CHM: variants seen among roughly 807,000 people sequenced by gnomAD.
CHM encodes the protein rab proteins geranylgeranyltransferase component A 1.
In CHM, 10 loss-of-function variants were observed where a neutral mutation model predicts 49.0. The observed-to-expected ratio is 0.20, with a 90% confidence interval of 0.13 to 0.35. The LOEUF (loss-of-function observed/expected upper bound fraction) is 0.35, where lower values mean the gene tolerates loss of function less well. CHM is among the 10% of genes least tolerant of loss of function. The probability of loss-of-function intolerance (pLI) is 1.00; values close to 1 mark genes in which losing one functional copy is unlikely to be tolerated. For missense variants in CHM, 455 were observed against 478.4 expected (o/e 0.95, Z 0.46); for synonymous variants, 184 against 167.5 (o/e 1.10, Z -0.76).
Position 85,894,387 on chromosome X carries a change from C to T in CHM, c.1414-103G>A, listed in dbSNP as rs767897781. ...TTCTAAACTGAGTATCTTTTTCAAACATCATGTCTGAAAAAAATATGGCTT... is the reference window on the plus strand; with the variant it reads ...TTCTAAACTGAGTATCTTTTTCAAATATCATGTCTGAAAAAAATATGGCTT... On this transcript the variant is annotated intron_variant, in intron 11 of 14. Coordinates refer to ENST00000357749, the MANE Select transcript of CHM (RefSeq NM_000390.4). The T allele has an allele frequency of 1.4e-5, 8 of 576,224 alleles. No homozygotes were observed. In the African/African-American group the frequency reaches 1.8e-4, roughly 13 times the overall value. The allele number at this position is 576,224 out of a possible 1,213,427, so 47.5% of individuals were successfully genotyped here.
At chrX:85,991,718 A>T (rs962470003) in intron 2 of CHM, among the ~76,000 whole-genome samples, 8 of 110,284 alleles carry the variant, frequency 7.3e-5, no homozygotes, top group African/African-American at 2.6e-4. Context: ...TTATAGCAGT[A>T]GGCAGAATTT....
chrX:85,894,058 T>C (rs755446370), intron 12 of CHM, 130 bp downstream of exon 12: 122 of 498,389 alleles, frequency 2.4e-4, no homozygotes, highest in Middle Eastern at 1.0e-3. Context: ...CCATCTTTTA[T>C]ATAAACAAAA....
chrX:85,961,390 A>C (rs1452154447), intron 5 of CHM, among the ~76,000 whole-genome samples: 1 of 96,982 alleles, frequency 1.0e-5, no homozygotes, highest in Non-Finnish European at 2.0e-5. Flanking sequence ...ACTGCACTCC[A>C]GCCTGGCAAC....
chrX:86,003,366 G>A (rs1050475539), intron 2 of CHM, among the ~76,000 whole-genome samples: 1 of 112,303 alleles, frequency 8.9e-6, no homozygotes, highest in Non-Finnish European at 1.9e-5. Flanking sequence ...CCAAAGGACT[G>A]CAGCTCCTCG....
intron 12 of CHM, among the ~76,000 whole-genome samples, chrX:85,886,369 G>A (rs1428096121): frequency 8.9e-6 from 1 of 111,761 alleles, no homozygotes; most frequent in African/African-American, 3.2e-5. Context: ...TTGTGCTCAG[G>A]ATATGCTTTA....
chrX:86,021,334 T>A (rs1296770625), intron 2 of CHM, among the ~76,000 whole-genome samples: 1 of 107,407 alleles, frequency 9.3e-6, no homozygotes, highest in East Asian at 2.9e-4. Context: ...ATTACATAGA[T>A]TAGTTGATTT....
At chrX:85,972,842 G>A (rs1931021521) in intron 4 of CHM, among the ~76,000 whole-genome samples, 1 of 112,356 alleles carries the variant, frequency 8.9e-6, no homozygotes, top group South Asian at 3.7e-4. Flanking sequence ...CTCAAGTGCC[G>A]CCAAAGTGGG....
intron 4 of CHM, among the ~76,000 whole-genome samples, chrX:85,976,637 T>C (rs190572272): frequency 2.3e-3 from 250 of 107,112 alleles, no homozygotes; most frequent in African/African-American, 8.2e-3. Flanking sequence ...AAAAAAAAAA[T>C]AGTAGCATGT....
intron 9 of CHM, among the ~76,000 whole-genome samples, chrX:85,904,349 G>A (rs1926465587): frequency 1.8e-5 from 2 of 111,486 alleles, no homozygotes; most frequent in Admixed American, 9.6e-5. Context: ...CTAGAGCTAA[G>A]CTTTCTAAAT....
At chrX:85,913,560 C>T (rs988734010) in intron 8 of CHM, among the ~76,000 whole-genome samples, 13 of 109,502 alleles carry the variant, frequency 1.2e-4, no homozygotes, top group Non-Finnish European at 1.9e-4. Context: ...CTAGAAAAGA[C>T]AAGGAACAGA....
intron 8 of CHM, among the ~76,000 whole-genome samples, chrX:85,934,141 A>C (rs1053394945): frequency 5.5e-5 from 6 of 109,107 alleles, no homozygotes; most frequent in African/African-American, 1.3e-4. Flanking sequence ...CCACTACACC[A>C]GTTTAATTTT....
chrX:85,959,503 T>C (rs1266904258), intron 5 of CHM, among the ~76,000 whole-genome samples: 2 of 110,451 alleles, frequency 1.8e-5, no homozygotes, highest in Non-Finnish European at 3.8e-5. Flanking sequence ...CCCTACCCCA[T>C]CAAAAAAAGA....
intron 8 of CHM, among the ~76,000 whole-genome samples, chrX:85,931,620 T>A (rs1928442669): frequency 9.0e-6 from 1 of 111,469 alleles, no homozygotes; most frequent in Non-Finnish European, 1.9e-5. Context: ...TGCTTCGTTT[T>A]ATAATATAGT....
At position 85,911,202 on chromosome X, in the gene CHM, A is replaced by AAT. The variant is rs529188426; in HGVS notation, c.1244+57_1244+58dup. On this transcript the variant is annotated intron_variant, in intron 9 of 14. Coordinates refer to ENST00000357749, the MANE Select transcript of CHM (RefSeq NM_000390.4). ...ATATATATATGAATATATATATATG[A>AAT]ATATATATATATGAATATATATATA... The AAT allele has an allele frequency of 2.5e-3, 156 of 61,915 alleles. 6 individuals carry two copies. In the African/African-American group the frequency reaches 0.041, roughly 16 times the overall value. 5.1% of individuals were successfully genotyped at this position (61,915 alleles called of 1,213,427 possible).
In CHM at chrX:85,963,733, T is replaced by A. The variant is rs781053852; in HGVS notation, c.634A>T (p.Lys212Ter). ...IAEDTTEQPK[K>*]NRITYSQIIK... ...ATTTGTGAGTAAGTAATTCTGTTTTTCTTTGGTTGCTCTGTGGTATCTTCT... is the reference window on the plus strand; with the variant it reads ...ATTTGTGAGTAAGTAATTCTGTTTTACTTTGGTTGCTCTGTGGTATCTTCT... The change falls in exon 5 of 15, where the codon AAA becomes TAA. Residue 212 changes from lysine (K) to a stop codon, truncating the protein, a stop_gained. Coordinates refer to ENST00000357749, the MANE Select transcript of CHM (RefSeq NM_000390.4). LOFTEE classifies it high-confidence loss of function. 8.3e-7 allele frequency: 1 copy of A among 1,206,257 alleles called. No homozygotes were observed. The highest frequency in any genetic ancestry group is 1.1e-6 in the Non-Finnish European group (1 of 891,722).
intron 3 of CHM, among the ~76,000 whole-genome samples, chrX:85,980,344 T>C (rs1442277053): frequency 1.8e-5 from 2 of 112,299 alleles, no homozygotes; most frequent in Non-Finnish European, 3.8e-5. Flanking sequence ...ATTTACTCTC[T>C]TGACTTACAC....
intron 2 of CHM, among the ~76,000 whole-genome samples, chrX:85,992,991 A>C (rs184448270): frequency 8.1e-5 from 9 of 111,790 alleles, no homozygotes; most frequent in Non-Finnish European, 1.7e-4. Flanking sequence ...ATAATACACA[A>C]AGGTTGCCCT....
intron 2 of CHM, among the ~76,000 whole-genome samples, chrX:85,994,807 A>G (rs777996367): frequency 6.3e-5 from 7 of 111,862 alleles, no homozygotes; most frequent in African/African-American, 1.9e-4. Context: ...GAGGAAAAAT[A>G]TAAGAGAAAA....
chrX:86,039,175 G>A lies in CHM; in HGVS notation c.49+8309C>T, dbSNP rs1934357794. On this transcript the variant is annotated intron_variant, in intron 1 of 14. Coordinates refer to ENST00000357749, the MANE Select transcript of CHM (RefSeq NM_000390.4). ...CAATATTTTTCATGTGTTTGACAGT[G>A]TGTTGTAGGTACTAAAAACAATTTT... Among the ~76,000 whole-genome samples the A allele has an allele frequency of 2.7e-5, 3 of 112,009 alleles. No individual in the cohort carries two copies. The Admixed American group carries it at 2.8e-4, about 11-fold the overall frequency.
Sources: allele counts gnomAD v4.1 joint callset (sites outside exome capture counted in the v4.1 genomes callset), GRCh38; gene constraint gnomAD v4.1.1; transcripts MANE v1.5; gene names NCBI Gene and HGNC (gene_info 2026-07-23, HGNC 2026-07-21).